TOPBP1: variants seen among roughly 807,000 people sequenced by gnomAD.
The protein encoded by TOPBP1 is DNA topoisomerase 2-binding protein 1.
TOPBP1 carries 28 observed loss-of-function variants against 167.7 expected under a neutral mutation model. The observed-to-expected ratio is 0.17, with a 90% CI of 0.12 to 0.23. TOPBP1 has a LOEUF of 0.23. Ranked by LOEUF, TOPBP1 falls within the 10% of genes least tolerant of loss-of-function variation. The pLI, the probability that TOPBP1 is intolerant of heterozygous loss-of-function variation, is 1.00. For synonymous variants in TOPBP1, 598 were observed against 611.4 expected (o/e 0.98, Z 0.32); for missense variants, 1,554 against 1,809.6 (o/e 0.86, Z 2.56).
rs1462331057 is a variant in TOPBP1 at position 133,661,827 on chromosome 3, G to C, written c.-66C>G. 6.6e-6 allele frequency: 1 copy of C among 152,426 alleles called. No homozygotes were observed. Among genetic ancestry groups the C allele is most frequent in the Non-Finnish European group, 1.5e-5 (1 of 68,066 alleles). 9.4% of individuals were successfully genotyped at this position (152,426 alleles called of 1,614,324 possible). On this transcript the variant is annotated 5_prime_UTR_variant, in exon 1 of 28. Coordinates refer to ENST00000260810, the MANE Select transcript of TOPBP1 (RefSeq NM_007027.4). The stretch of plus-strand genomic sequence containing the variant: ...TCGGGGGACGCGCTGGCCGCAGGGC[G>C]GTGGCTGGGGTCGGGCGCCAGCCCG...
At chr3:133,602,610 AAGC>A (rs1934340874) in intron 27 of TOPBP1, among the ~76,000 whole-genome samples, 1 of 152,244 alleles carries the variant, frequency 6.6e-6, no homozygotes, top group African/African-American at 2.4e-5. Flanking sequence ...CTACTGCATA[AAGC>A]AGAGGTCAGC....
At position 133,623,205 on chromosome 3, in the gene TOPBP1, G is replaced by GA; in HGVS notation, c.3076-13dup. ...ATCAAAGGATCTGGCTATTGAAAAA[G>GA]AAAAATTATAAATTCTCAAACCAAG... is the stretch of plus-strand genomic sequence containing the variant. On this transcript the variant is annotated splice_polypyrimidine_tract_variant and intron_variant, in intron 18 of 27. Transcript: ENST00000260810. 1 of 1,609,764 alleles carries GA rather than the reference G, an allele frequency of 6.2e-7. No individual in the cohort carries two copies. Among genetic ancestry groups the GA allele is most frequent in the South Asian group, 1.1e-5 (1 of 90,404 alleles).
chr3:133,606,424 C>A lies in TOPBP1; in HGVS notation c.4425+2111G>T, dbSNP rs76445384. Among the ~76,000 whole-genome samples the A allele has an allele frequency of 8.6e-5, 13 of 150,656 alleles. No individual in the cohort carries two copies. In the East Asian group the frequency reaches 2.3e-3, roughly 27 times the overall value. On this transcript the variant is annotated intron_variant, in intron 27 of 27. Coordinates refer to ENST00000260810, the MANE Select transcript of TOPBP1 (RefSeq NM_007027.4). ...GGTTTATGGAATAGAATGCTCAACA[C>A]TGTAAAGATGTTTACTGTCCTCAAG...
chr3:133,616,527 TAGTA>T (rs1934887345), intron 23 of TOPBP1, among the ~76,000 whole-genome samples: 1 of 152,224 alleles, frequency 6.6e-6, no homozygotes, highest in African/African-American at 2.4e-5. Context: ...TTTATTTATA[TAGTA>T]AGTCTTTAAA....
At position 133,623,356 on chromosome 3, in the gene TOPBP1, A is replaced by G; in HGVS notation, c.3030T>C (p.Cys1010=). The change falls in exon 18 of 28, where the codon TGT becomes TGC. Residue 1010 remains cysteine, a synonymous_variant. Coordinates refer to ENST00000260810, the MANE Select transcript of TOPBP1 (RefSeq NM_007027.4). The part of the protein sequence containing the change: ...DISAVQDGRL[C]NSRLLSAVSS... The stretch of plus-strand genomic sequence containing the variant: ...ACACAGCTGAGAGTAGTCGACTATT[A>G]CAGAGCCGGCCATCTTGCACTGCGC... The G allele has an allele frequency of 1.2e-6, 2 of 1,613,652 alleles. No individual in the cohort carries two copies. Among genetic ancestry groups the G allele is most frequent in the South Asian group, 2.2e-5 (2 of 91,006 alleles).
chr3:133,637,768 G>T, intron 14 of TOPBP1, 108 bp downstream of exon 14: 1 of 1,199,732 alleles, frequency 8.3e-7, no homozygotes, highest in Non-Finnish European at 1.1e-6. Flanking sequence ...ACTTGCCAAT[G>T]TCTCTGGAAA....
At chr3:133,641,743 G>A (rs765659365) in intron 12 of TOPBP1, among the ~76,000 whole-genome samples, 8 of 152,178 alleles carry the variant, frequency 5.3e-5, no homozygotes, top group Admixed American at 1.3e-4. Flanking sequence ...AGCTTTAGCT[G>A]TATCCAGTGG....
chr3:133,653,347 T>A lies in TOPBP1; in HGVS notation c.920A>T (p.Asp307Val). ...ATTTTAATCTCAATGAGACTCACTA[T>A]CAATTGTGTTGATCTGGCTGGTAGG... ...STPTSQINTIDSRTLSDVSNI... is the reference protein window; with the variant it reads ...STPTSQINTIVSRTLSDVSNI... The change falls in exon 7 of 28, where the codon GAT becomes GTT. Residue 307 changes from aspartate (D) to valine (V), a missense_variant and splice_region_variant. Asp to Val is a radical substitution (Grantham distance 152). Coordinates refer to ENST00000260810, the MANE Select transcript of TOPBP1 (RefSeq NM_007027.4). 6 of 1,591,370 alleles carry A rather than the reference T, an allele frequency of 3.8e-6. No individual in the cohort carries two copies. Among genetic ancestry groups the A allele is most frequent in the Non-Finnish European group, 5.1e-6 (6 of 1,172,506 alleles).
intron 14 of TOPBP1, among the ~76,000 whole-genome samples, chr3:133,633,652 T>TGTGGTGACATG (rs1354225762): frequency 6.6e-6 from 1 of 152,136 alleles, no homozygotes; most frequent in Non-Finnish European, 1.5e-5. Context: ...ATTAGCCAGG[T>TGTGGTGACATG]GTGGTGACAT....
At chr3:133,659,243 A>G in intron 2 of TOPBP1, 93 bp from the exon 3 acceptor site, 1 of 1,287,940 alleles carries the variant, frequency 7.8e-7, no homozygotes, top group Non-Finnish European at 1.0e-6. Flanking sequence ...CCTTTTCCCT[A>G]TTGAAAGCCA....
At chr3:133,655,090 C>T (rs1038741082) in intron 6 of TOPBP1, among the ~76,000 whole-genome samples, 200 bp downstream of exon 6, 6 of 151,980 alleles carry the variant, frequency 3.9e-5, no homozygotes, top group Non-Finnish European at 5.9e-5. Flanking sequence ...CCTGTAATCC[C>T]GCTACTCGGG....
At chr3:133,622,278 C>A (rs752727292) in intron 19 of TOPBP1, among the ~76,000 whole-genome samples, 3 of 150,620 alleles carry the variant, frequency 2.0e-5, no homozygotes, top group Non-Finnish European at 4.4e-5. Context: ...GCAACCTCCG[C>A]CTCCCGAGTT....
chr3:133,600,614 A>G lies in TOPBP1; in HGVS notation c.*636T>C, dbSNP rs1167802777. The G allele has an allele frequency of 6.6e-6, 1 of 152,626 alleles. No homozygotes were observed. The highest frequency in any genetic ancestry group is 1.5e-5 in the Non-Finnish European group (1 of 68,036). The allele number at this position is 152,626 out of a possible 1,614,324, so 9.5% of individuals were successfully genotyped here. A position where few individuals can be genotyped will look rare whatever the true frequency, so the allele number is the denominator to read the frequency against. ...AGAACAGATGCCAGGGTGCTCTTTT[A>G]AAAAATTTATCTATGTAAACACATC... On this transcript the variant is annotated 3_prime_UTR_variant, in exon 28 of 28. Coordinates refer to ENST00000260810, the MANE Select transcript of TOPBP1 (RefSeq NM_007027.4).
chr3:133,628,754 G>C lies in TOPBP1; in HGVS notation c.2521-21C>G, dbSNP rs1044062720. The C allele has an allele frequency of 1.9e-6, 3 of 1,546,772 alleles. No homozygotes were observed. In the African/African-American group the frequency reaches 4.1e-5, roughly 21 times the overall value. ...GCATCCTATACATATGAAGGAGAGAGAGAGATGGAGAAAAGAAGAGAGAGA... is the reference window on the plus strand; with the variant it reads ...GCATCCTATACATATGAAGGAGAGACAGAGATGGAGAAAAGAAGAGAGAGA... On this transcript the variant is annotated intron_variant, in intron 14 of 27. Transcript: ENST00000260810.
intron 26 of TOPBP1, 63 bp from the exon 27 acceptor site, chr3:133,608,759 T>G: frequency 6.3e-7 from 1 of 1,590,566 alleles, no homozygotes; most frequent in Non-Finnish European, 8.6e-7. Context: ...AGCTGTATAA[T>G]GTGTACTTAA....
intron 14 of TOPBP1, among the ~76,000 whole-genome samples, chr3:133,631,394 T>C (rs1449912135): frequency 6.6e-6 from 1 of 152,204 alleles, no homozygotes; most frequent in Non-Finnish European, 1.5e-5. Flanking sequence ...CTACTGCAAC[T>C]TTATAGGAGG....
rs768768022 is a variant in TOPBP1 at position 133,639,946 on chromosome 3, T to C, written c.2233+13A>G. 1.3e-5 allele frequency: 21 copies of C among 1,611,134 alleles called. No homozygotes were observed. In the Middle Eastern group the frequency reaches 5.0e-4, roughly 38 times the overall value. ...TGTAAATATATATAAAAGAACAGAA[T>C]AAAAGTATTAACCTTCTTTAGTTGA... is the stretch of plus-strand genomic sequence containing the variant. On this transcript the variant is annotated intron_variant, in intron 13 of 27. Coordinates refer to ENST00000260810, the MANE Select transcript of TOPBP1 (RefSeq NM_007027.4).
At chr3:133,602,281 A>C (rs756331093) in intron 27 of TOPBP1, among the ~76,000 whole-genome samples, 1 of 152,234 alleles carries the variant, frequency 6.6e-6, no homozygotes, top group African/African-American at 2.4e-5. Flanking sequence ...CTGTCAATCT[A>C]TAATTCTGTA....
chr3:133,654,354 T>C (rs772263487), intron 6 of TOPBP1, among the ~76,000 whole-genome samples: 2 of 152,220 alleles, frequency 1.3e-5, no homozygotes, highest in Non-Finnish European at 2.9e-5. Flanking sequence ...CTTAAAAATC[T>C]TCAACACAAT....
Sources: gnomAD v4.1 joint callset for allele counts (sites outside exome capture counted in the v4.1 genomes callset) on GRCh38, gnomAD v4.1.1 for gene constraint, MANE v1.5 for transcripts, NCBI Gene and HGNC (gene_info 2026-07-23, HGNC 2026-07-21) for gene names.